The following DPP6 variants were observed in gnomAD, a reference collection of about 807,000 sequenced individuals.
DPP6 encodes the protein dipeptidyl peptidase like 6.
A neutral mutation model predicts 122.6 loss-of-function variants in DPP6; 69 were observed. That is an observed-to-expected ratio of 0.56 (90% CI 0.46 to 0.69). DPP6 has a LOEUF of 0.69. Ranked by LOEUF, DPP6 falls within the 30% of genes least tolerant of loss-of-function variation. DPP6 has a pLI of 0.00. For synonymous variants in DPP6, 418 were observed against 433.1 expected (o/e 0.97, Z 0.43); for missense variants, 928 against 1,116.9 (o/e 0.83, Z 2.41).
At chr7:154,705,903 C>T (rs937796084) in intron 7 of DPP6, among the ~76,000 whole-genome samples, 4 of 152,240 alleles carry the variant, frequency 2.6e-5, no homozygotes, top group Non-Finnish European at 4.4e-5. Flanking sequence ...ATGCTTTCAA[C>T]TCAGACAAAG....
At chr7:153,801,064 G>A in the DPP6 span, among the ~76,000 whole-genome samples, 1 of 150,774 alleles carries the variant, frequency 6.6e-6, no homozygotes, top group African/African-American at 2.4e-5. Context: ...TGTATAAACT[G>A]CAGCAAATGC....
intron 2 of DPP6, among the ~76,000 whole-genome samples, chr7:154,451,206 C>A (rs562014346): frequency 4.6e-4 from 70 of 151,890 alleles, no homozygotes; most frequent in African/African-American, 1.7e-3. Context: ...ACTAAAAATA[C>A]AAAAATTAGC....
chr7:154,822,188 G>A (rs890534975), intron 16 of DPP6, among the ~76,000 whole-genome samples: 1 of 152,202 alleles, frequency 6.6e-6, no homozygotes, highest in South Asian at 2.1e-4. Context: ...ACTGATATCT[G>A]TGCAGCAGCC....
upstream of DPP6, among the ~76,000 whole-genome samples, chr7:153,884,987 A>AATATATAT (rs56329841): frequency 1.2e-3 from 143 of 116,432 alleles, no homozygotes; most frequent in African/African-American, 1.6e-3. Flanking sequence ...TCAAAACAAA[A>AATATATAT]ATATATATAT....
chr7:154,673,938 C>T (rs973110131), intron 7 of DPP6, among the ~76,000 whole-genome samples: 4 of 151,390 alleles, frequency 2.6e-5, no homozygotes, highest in Admixed American at 1.3e-4. Flanking sequence ...GTGAATGTTG[C>T]GATCTCTGCT....
At chr7:154,655,796 C>T (rs1377349141) in intron 6 of DPP6, among the ~76,000 whole-genome samples, 1 of 152,194 alleles carries the variant, frequency 6.6e-6, no homozygotes, top group Non-Finnish European at 1.5e-5. Flanking sequence ...GGGCAGGGGT[C>T]ATCTCCCCCA....
upstream of DPP6, among the ~76,000 whole-genome samples, chr7:154,047,809 C>T (rs1430224687): frequency 1.3e-5 from 2 of 151,476 alleles, no homozygotes; most frequent in Non-Finnish European, 2.9e-5. Flanking sequence ...GGCAAGACAA[C>T]AGAAGTGAAG....
intron 1 of DPP6, among the ~76,000 whole-genome samples, chr7:154,083,742 C>T (rs568591970): frequency 2.0e-5 from 3 of 150,306 alleles, no homozygotes; most frequent in Non-Finnish European, 4.4e-5. Context: ...GAGGAGGGAA[C>T]GGCCAATCCC....
intron 1 of DPP6, among the ~76,000 whole-genome samples, chr7:154,055,324 T>C (rs554234168): frequency 7.5e-6 from 1 of 133,852 alleles, no homozygotes; most frequent in South Asian, 2.7e-4. Context: ...CAAACTTTTA[T>C]GCACTCTTCT....
chr7:154,574,926 G>A (rs1361371416), intron 5 of DPP6, among the ~76,000 whole-genome samples: 2 of 137,298 alleles, frequency 1.5e-5, no homozygotes, highest in Non-Finnish European at 3.1e-5. Flanking sequence ...GTATGTGTTT[G>A]GTGTATGTGT....
rs60134336 is a variant in DPP6, at chr7:154,760,841, G to GTTT, written c.884-8565_884-8563dup. Among the ~76,000 whole-genome samples the GTTT allele has an allele frequency of 1.7e-3, 241 of 145,502 alleles. 3 individuals carry two copies. The highest frequency in any genetic ancestry group is 1.8e-3 in the African/African-American group (71 of 39,414). On this transcript the variant is annotated intron_variant, in intron 8 of 25. Transcript: ENST00000377770. The surrounding 1 kb of genome is among the most constrained non-coding windows in gnomAD (Gnocchi z 4.5). ...TCAGCCTTCCTCTTTCAAAACTTTT[G>GTTT]TTTTTTTTTTTTTGAGACAGTCTTG...
chr7:153,945,048 G>A (rs982990688), intron 1 of DPP6, among the ~76,000 whole-genome samples: 8 of 152,074 alleles, frequency 5.3e-5, no homozygotes, highest in Admixed American at 4.6e-4. Flanking sequence ...GTTGGCTTAG[G>A]GTAACTGACT....
chr7:154,016,612 A>G (rs957045506), intron 1 of DPP6, among the ~76,000 whole-genome samples: 80 of 152,226 alleles, frequency 5.3e-4, no homozygotes, highest in African/African-American at 1.9e-3. Flanking sequence ...AGGTTTTTGG[A>G]AAAAAATTAG....
At chr7:154,561,651 A>T (rs1289073150) in intron 4 of DPP6, among the ~76,000 whole-genome samples, 1 of 152,198 alleles carries the variant, frequency 6.6e-6, no homozygotes, top group African/African-American at 2.4e-5. Context: ...ATAAACTAGG[A>T]AAAAAGATTT....
chr7:154,745,240 T>G (rs1187415644), intron 8 of DPP6, among the ~76,000 whole-genome samples: 1 of 152,156 alleles, frequency 6.6e-6, no homozygotes, highest in Non-Finnish European at 1.5e-5. Flanking sequence ...GAGGTCTCCA[T>G]AGTGGAGTGG....
At chr7:154,605,300 C>T (rs1833553399) in intron 5 of DPP6, among the ~76,000 whole-genome samples, 1 of 117,752 alleles carries the variant, frequency 8.5e-6, no homozygotes, top group South Asian at 3.5e-4. Context: ...TTTGAGGGTC[C>T]TCATCTTTAT....
At chr7:154,411,655 T>C (rs927215288) in intron 1 of DPP6, among the ~76,000 whole-genome samples, 2 of 152,214 alleles carry the variant, frequency 1.3e-5, no homozygotes, top group Non-Finnish European at 2.9e-5. Context: ...GAGTCAACTG[T>C]ATACATGAAG....
intron 2 of DPP6, among the ~76,000 whole-genome samples, chr7:154,464,860 A>G (rs899724951): frequency 3.9e-5 from 6 of 152,206 alleles, no homozygotes; most frequent in Admixed American, 2.0e-4. Context: ...TCTACAGAGT[A>G]TCCATTCCAA....
chr7:154,174,679 A>G (rs1797705424), intron 1 of DPP6, among the ~76,000 whole-genome samples: 3 of 152,066 alleles, frequency 2.0e-5, no homozygotes, highest in East Asian at 1.9e-4. Context: ...AGACAAATCG[A>G]TATCTCCAAG....
Sources: allele counts gnomAD v4.1 joint callset (sites outside exome capture counted in the v4.1 genomes callset), GRCh38; gene constraint gnomAD v4.1.1; non-coding constraint Gnocchi (gnomAD v3.1); transcripts MANE v1.5; gene names NCBI Gene and HGNC (gene_info 2026-07-23, HGNC 2026-07-21).